PRSS38: variants seen among roughly 807,000 people sequenced by gnomAD.
PRSS38 encodes the protein marapsin 2.
PRSS38 carries 22 observed loss-of-function variants against 26.8 expected under a neutral mutation model. That is an observed-to-expected ratio of 0.82 (90% CI 0.59 to 1.17). The LOEUF is 1.17. Among genes scored for constraint, PRSS38 ranks in the 50% most tolerant of loss-of-function variants. PRSS38 has a pLI of 0.00. For missense variants in PRSS38, 427 were observed against 422.7 expected (o/e 1.01, Z -0.09); for synonymous variants, 175 against 172.1 (o/e 1.02, Z -0.13).
chr1:227,832,014 C>G (rs1665160320), intron 3 of PRSS38, among the ~76,000 whole-genome samples: 2 of 152,148 alleles, frequency 1.3e-5, no homozygotes, highest in Non-Finnish European at 2.9e-5. Context: ...ATCATGTCTA[C>G]TTGGTGTGTT....
chr1:227,817,280 A>T (rs1220745598), exon 3 of PRSS38: 5 of 1,613,882 alleles, frequency 3.1e-6, no homozygotes, highest in Non-Finnish European at 4.2e-6. Flanking sequence ...AACCACACCC[A>T]GTGGTATGAG....
Position 227,816,402 on chromosome 1 carries a change from G to C in PRSS38, c.311+150G>C, listed in dbSNP as rs1664917643. Reference sequence around the variant, plus strand: ...CCCGCGCAAGGCCAGGTCCCCACCAGTGAGGCTGGTCCCCAAACACACAGC... The same window carrying C: ...CCCGCGCAAGGCCAGGTCCCCACCACTGAGGCTGGTCCCCAAACACACAGC... On this transcript the variant is annotated intron_variant, in intron 2 of 4. Transcript: ENST00000366757. The surrounding 1 kb of genome is among the most constrained non-coding windows in gnomAD (Gnocchi z 5.1). 2 of 815,188 alleles carry C rather than the reference G, an allele frequency of 2.5e-6. No individual in the cohort carries two copies. The highest frequency in any genetic ancestry group is 5.2e-5 in the Admixed American group (2 of 38,122). The allele number at this position is 815,188 out of a possible 1,614,324, so 50.5% of individuals were successfully genotyped here. A position where few individuals can be genotyped will look rare whatever the true frequency, so the allele number is the denominator to read the frequency against.
rs566030591 is a variant in PRSS38, at chr1:227,825,004, T to C, written c.583+7524T>C. On this transcript the variant is annotated intron_variant, in intron 3 of 4. Coordinates refer to ENST00000366757, the Ensembl canonical transcript of PRSS38. ...AGATGGATAGATTGCAAAATTTTTC[T>C]CCCATTCTGTAGGTTGTCTGTTCAC... 2.6e-5 allele frequency among the ~76,000 whole-genome samples: 4 copies of C among 152,346 alleles called. No homozygotes were observed. In the South Asian group the frequency reaches 8.3e-4, roughly 32 times the overall value.
At chr1:227,826,190 G>T (rs1003053751) in intron 3 of PRSS38, among the ~76,000 whole-genome samples, 8 of 152,058 alleles carry the variant, frequency 5.3e-5, no homozygotes, top group Non-Finnish European at 1.2e-4. Context: ...CTTGCCTGTT[G>T]TCAGTGTATA....
chr1:227,815,757 C>T (rs762722703), exon 1 of PRSS38: 1 of 1,608,874 alleles, frequency 6.2e-7, no homozygotes, highest in Non-Finnish European at 8.5e-7. Context: ...CTCGGGCCCT[C>T]TGCCCTGGGC....
chr1:227,823,566 G>A (rs1364804307), intron 3 of PRSS38, among the ~76,000 whole-genome samples: 3 of 152,106 alleles, frequency 2.0e-5, no homozygotes, highest in Non-Finnish European at 2.9e-5. Context: ...TCATAGGGGT[G>A]GATTCCTCAT....
At chr1:227,819,937 A>G (rs1664978027) in intron 3 of PRSS38, among the ~76,000 whole-genome samples, 1 of 151,982 alleles carries the variant, frequency 6.6e-6, no homozygotes, top group African/African-American at 2.4e-5. Context: ...AAAAATATAA[A>G]AATTAGCTGG....
At chr1:227,845,864 A>G in intron 4 of PRSS38, 90 bp from the exon 5 acceptor site, 2 of 1,538,710 alleles carry the variant, frequency 1.3e-6, no homozygotes, top group African/African-American at 2.7e-5. Flanking sequence ...CAGGGTCTGC[A>G]CAGCCACCCC....
chr1:227,846,389 G>T, exon 5 of PRSS38: 1 of 760,670 alleles, frequency 1.3e-6, no homozygotes, highest in Admixed American at 2.9e-5. Flanking sequence ...AAGGGAAGGG[G>T]GAGAGGGGCT....
chr1:227,841,165 C>T (rs1381820729), intron 3 of PRSS38, among the ~76,000 whole-genome samples: 1 of 152,228 alleles, frequency 6.6e-6, no homozygotes, highest in African/African-American at 2.4e-5. Context: ...TCTGGTTTGG[C>T]TGAGCTTCTC....
At chr1:227,825,810 C>T (rs2102676618) in intron 3 of PRSS38, among the ~76,000 whole-genome samples, 1 of 152,282 alleles carries the variant, frequency 6.6e-6, no homozygotes, top group East Asian at 1.9e-4. Flanking sequence ...AATTGGGTAG[C>T]ATGGTGCCTC....
chr1:227,833,669 GC>G (rs1451745522), intron 3 of PRSS38, among the ~76,000 whole-genome samples: 2 of 152,150 alleles, frequency 1.3e-5, no homozygotes, highest in Non-Finnish European at 2.9e-5. Context: ...AGAATCACTG[GC>G]CCATTCATTT....
rs533198675 is a variant in PRSS38, at chr1:227,816,029, C to T, written c.149-61C>T. On this transcript the variant is annotated intron_variant, in intron 1 of 4. Coordinates refer to ENST00000366757, the Ensembl canonical transcript of PRSS38. The surrounding 1 kb of genome is among the most constrained non-coding windows in gnomAD (Gnocchi z 5.1). ...CCCTGCCCCTCCCCCACGTCCCCTG[C>T]CTGCCCTACCTCTCCCGTGGCCCCA... 9.7e-5 allele frequency: 151 copies of T among 1,563,508 alleles called. 1 individual carries two copies. The African/African-American group carries it at 1.9e-3, about 20-fold the overall frequency.
exon 5 of PRSS38, chr1:227,846,289 T>G: frequency 1.6e-4 from 247 of 1,504,258 alleles, no homozygotes; most frequent in Non-Finnish European, 1.9e-4. Flanking sequence ...AAGCATCTCC[T>G]GTCCTGGCCT....
chr1:227,817,548 C>T, intron 3 of PRSS38, 68 bp downstream of exon 3: 1 of 1,540,086 alleles, frequency 6.5e-7, no homozygotes, highest in East Asian at 2.3e-5. Context: ...GAAGAAAATG[C>T]TCTGCCAGCT....
In PRSS38 at chr1:227,815,893, G is replaced by A. The variant is rs368793759; in HGVS notation, c.148+29G>A. 51 of 1,576,864 alleles carry A rather than the reference G, an allele frequency of 3.2e-5. No individual in the cohort carries two copies. In the African/African-American group the frequency reaches 4.7e-4, roughly 15 times the overall value. On this transcript the variant is annotated intron_variant, in intron 1 of 4. Coordinates refer to ENST00000366757, the Ensembl canonical transcript of PRSS38. ...GGCCCTGCCCCAGGGGCGGATGGGC[G>A]GCTGGAGACAGTGCCCTTGGGGCGT... is the stretch of plus-strand genomic sequence containing the variant.
chr1:227,846,253 C>A, exon 5 of PRSS38: 1 of 1,593,240 alleles, frequency 6.3e-7, no homozygotes, highest in Non-Finnish European at 8.5e-7. Context: ...CACACCCTGC[C>A]CCAGCCCAGC....
chr1:227,815,942 C>A, intron 1 of PRSS38, 78 bp downstream of exon 1: 1 of 1,520,954 alleles, frequency 6.6e-7, no homozygotes, highest in Non-Finnish European at 8.9e-7. Flanking sequence ...GCCTCCTCCC[C>A]CATGTCGCCT....
In PRSS38 at chr1:227,816,077, G is replaced by C. The variant is rs773761587; in HGVS notation, c.149-13G>C. On this transcript the variant is annotated splice_polypyrimidine_tract_variant and intron_variant, in intron 1 of 4. Coordinates refer to ENST00000366757, the Ensembl canonical transcript of PRSS38. This position sits in a 1 kb window ranked among gnomAD's most constrained non-coding sequence, Gnocchi z 5.1. ...CCAGCATGGCTCCACCGTCAGCTCC[G>C]TTCTCCCTGCAGCCTGTGGTCGGCC... 6 of 1,604,892 alleles carry C rather than the reference G, an allele frequency of 3.7e-6. No individual in the cohort carries two copies. The highest frequency in any genetic ancestry group is 5.1e-6 in the Non-Finnish European group (6 of 1,174,884).
Sources: gnomAD v4.1 joint callset for allele counts (sites outside exome capture counted in the v4.1 genomes callset) on GRCh38, gnomAD v4.1.1 for gene constraint, Gnocchi (gnomAD v3.1) non-coding constraint, MANE v1.5 for transcripts, NCBI Gene and HGNC (gene_info 2026-07-23, HGNC 2026-07-21) for gene names.